The following DOCK6 variants were observed in gnomAD, a reference collection of about 807,000 sequenced individuals.
DOCK6 encodes dedicator of cytokinesis 6, also known as dedicator of cytokinesis protein 6.
Under a neutral mutation model 230.3 loss-of-function variants are expected in DOCK6, and 167 were observed. The ratio of observed to expected loss-of-function variants is 0.73; its 90% CI spans 0.64 to 0.82. The LOEUF (loss-of-function observed/expected upper bound fraction) is 0.82. DOCK6 is among the 40% of genes least tolerant of loss of function. DOCK6 has a pLI of 0.00. For missense variants in DOCK6, 2,598 were observed against 2,825.8 expected, an observed-to-expected ratio of 0.92 and a Z score of 1.83; for synonymous variants, 1,148 against 1,185.0, an observed-to-expected ratio of 0.97 and a Z score of 0.64.
intron 47 of DOCK6, among the ~76,000 whole-genome samples, chr19:11,199,775 T>C (rs528172452): frequency 6.6e-6 from 1 of 152,358 alleles, no homozygotes; most frequent in Admixed American, 6.5e-5. Flanking sequence ...GATGAATTCA[T>C]GTATCTGGGA....
At chr19:11,220,595 C>T (rs764753587) in intron 28 of DOCK6, among the ~76,000 whole-genome samples, 1 of 151,978 alleles carries the variant, frequency 6.6e-6, no homozygotes, top group African/African-American at 2.4e-5. Flanking sequence ...TAAAAAACTA[C>T]AAGGCAAGGG....
At chr19:11,240,115 A>AC in intron 14 of DOCK6, 1 of 1,551,450 alleles carries the variant, frequency 6.4e-7, no homozygotes, top group Non-Finnish European at 8.7e-7. Context: ...CCTACTAGTG[A>AC]CCCACTGTTT....
chr19:11,218,320 T>C (rs1179947625), intron 28 of DOCK6, among the ~76,000 whole-genome samples: 1 of 152,160 alleles, frequency 6.6e-6, no homozygotes, highest in Admixed American at 6.6e-5. Flanking sequence ...CTAATTTTTG[T>C]ATTTTTAGTA....
Position 11,227,412 on chromosome 19 carries a change from G to C in DOCK6, c.2880C>G (p.Phe960Leu). The stretch of plus-strand genomic sequence containing the variant: ...TGATGTCGTCCAGGAAGCGTCCGGG[G>C]AAGCGCAGCTTGCGGGGTGTGTCTA... ...QRLDTPRKLR[F>L]PGRFLDDITA... The change falls in exon 24 of 48, where the codon TTC becomes TTG. Residue 960 changes from phenylalanine (F) to leucine (L), a missense_variant. By Grantham distance (22) the Phe-to-Leu change is conservative. Transcript: ENST00000294618. 6.2e-7 allele frequency: 1 copy of C among 1,613,546 alleles called. No homozygotes were observed. The highest frequency in any genetic ancestry group is 8.5e-7 in the Non-Finnish European group (1 of 1,179,774).
In DOCK6 at chr19:11,201,135, G is replaced by T; in HGVS notation, c.5689-83C>A. On this transcript the variant is annotated intron_variant, in intron 44 of 47. Transcript: ENST00000294618. This position sits in a 1 kb window ranked among gnomAD's most constrained non-coding sequence, Gnocchi z 4.3. ...GCCAGTCGGGGGCAGCTCAGACCCCGCTGGGAGTGAGAGGGGTCCAAGAAC... is the reference window on the plus strand; with the variant it reads ...GCCAGTCGGGGGCAGCTCAGACCCCTCTGGGAGTGAGAGGGGTCCAAGAAC... 1 of 1,526,948 alleles carries T rather than the reference G, an allele frequency of 6.5e-7. No individual in the cohort carries two copies. Among genetic ancestry groups the T allele is most frequent in the Non-Finnish European group, 8.9e-7 (1 of 1,127,056 alleles). 94.6% of individuals were successfully genotyped at this position (1,526,948 alleles called of 1,614,324 possible).
rs376594140 is a variant in DOCK6 at position 11,200,744 on chromosome 19, G to A, written c.5911C>T (p.Arg1971Trp). The change falls in exon 46 of 48, where the codon CGG becomes TGG. Residue 1971 changes from arginine to tryptophan, a missense_variant. Transcript: ENST00000294618. This position sits in a 1 kb window ranked among gnomAD's most constrained non-coding sequence, Gnocchi z 4.3. Reference sequence around the variant, plus strand: ...TTGCAGAAGTCCTTGAAGCAGAGCCGCAATTTGTTGTGATGCCGGAAGAGC... The same window carrying A: ...TTGCAGAAGTCCTTGAAGCAGAGCCACAATTTGTTGTGATGCCGGAAGAGC... Reference protein sequence around the residue: ...PKLFRHHNKLRLCFKDFCKKC... With the variant: ...PKLFRHHNKLWLCFKDFCKKC... 2.2e-5 allele frequency: 35 copies of A among 1,613,320 alleles called. No homozygotes were observed. The highest frequency in any genetic ancestry group is 2.2e-4 in the Admixed American group (13 of 59,962).
chr19:11,252,045 C>A, intron 5 of DOCK6, 74 bp downstream of exon 5: 1 of 1,552,030 alleles, frequency 6.4e-7, no homozygotes, highest in South Asian at 1.2e-5. Context: ...CATTTCCTGT[C>A]ACATGTGACC....
At position 11,202,580 on chromosome 19, in the gene DOCK6, G is replaced by C; in HGVS notation, c.5361+4C>G. On this transcript the variant is annotated splice_donor_region_variant and intron_variant, in intron 42 of 47. Coordinates refer to ENST00000294618, the MANE Select transcript of DOCK6 (RefSeq NM_020812.4). The surrounding 1 kb of genome is among the most constrained non-coding windows in gnomAD (Gnocchi z 5.3). ...CCGTTCCACCCCCAACCACAAGGAC[G>C]TGCCTCCAGCCGGTGTGAGATCTCT... The C allele has an allele frequency of 1.2e-6, 2 of 1,613,748 alleles. No individual in the cohort carries two copies. The highest frequency in any genetic ancestry group is 1.7e-6 in the Non-Finnish European group (2 of 1,179,852).
chr19:11,216,123 A>G (rs2079483173), intron 30 of DOCK6, 196 bp from the exon 31 acceptor site: 1 of 494,666 alleles, frequency 2.0e-6, no homozygotes. Flanking sequence ...AGTCTCTCTC[A>G]TTCTGTCGCC....
chr19:11,245,673 T>C lies in DOCK6; in HGVS notation c.913A>G (p.Met305Val), dbSNP rs1406734206. Residue 305 changes from methionine to valine, a missense_variant, in exon 9 of 48, where the codon ATG becomes GTG. Physicochemically the swap from Met to Val is conservative, Grantham distance 21. Transcript: ENST00000294618. ...NFYFDLNSDS[M>V]KGLLRAHGTH... ...CCATGAGCCCGAAGCAGCCCCTTCA[T>C]GGAGTCCGAGTTCAGGTCGAAGTAG... The C allele has an allele frequency of 6.2e-7, 1 of 1,609,376 alleles. No individual in the cohort carries two copies. Among genetic ancestry groups the C allele is most frequent in the South Asian group, 1.1e-5 (1 of 90,208 alleles).
chr19:11,216,749 T>C, intron 30 of DOCK6, 165 bp downstream of exon 30: 1 of 719,934 alleles, frequency 1.4e-6, no homozygotes. Context: ...CTTCTGACTT[T>C]ATTCCTTGCC....
Position 11,202,689 on chromosome 19 carries a change from G to C in DOCK6, c.5256C>G (p.Phe1752Leu). Reference sequence around the variant, plus strand: ...AGTGGGCGCCGTAGAAGCCCACGCGGAAATACGTCCCGAACACGCGCTGGG... The same window carrying C: ...AGTGGGCGCCGTAGAAGCCCACGCGCAAATACGTCCCGAACACGCGCTGGG... ...SGWERVFGTYFRVGFYGAHFG... is the reference protein window; with the variant it reads ...SGWERVFGTYLRVGFYGAHFG... The change falls in exon 42 of 48, where the codon TTC becomes TTG. Residue 1752 changes from phenylalanine to leucine, a missense_variant. Physicochemically the swap from Phe to Leu is conservative, Grantham distance 22. Coordinates refer to ENST00000294618, the MANE Select transcript of DOCK6 (RefSeq NM_020812.4). The surrounding 1 kb of genome is among the most constrained non-coding windows in gnomAD (Gnocchi z 5.3). The C allele has an allele frequency of 6.2e-7, 1 of 1,614,012 alleles. No individual in the cohort carries two copies. The highest frequency in any genetic ancestry group is 8.5e-7 in the Non-Finnish European group (1 of 1,179,914).
At chr19:11,204,522 A>G (rs907278504) in intron 39 of DOCK6, among the ~76,000 whole-genome samples, 191 bp from the exon 40 acceptor site, 1 of 151,858 alleles carries the variant, frequency 6.6e-6, no homozygotes, top group Non-Finnish European at 1.5e-5. Flanking sequence ...AGAGGGCTCC[A>G]TGGTCTTCAC....
At chr19:11,252,348 T>A (rs1390247059) in intron 4 of DOCK6, 100 bp from the exon 5 acceptor site, 1 of 1,575,968 alleles carries the variant, frequency 6.3e-7, no homozygotes, top group Non-Finnish European at 8.7e-7. Flanking sequence ...AAAGCCACCG[T>A]CCTTGTGCTC....
At chr19:11,261,806 A>G (rs1451636728) in intron 1 of DOCK6, among the ~76,000 whole-genome samples, 2 of 151,652 alleles carry the variant, frequency 1.3e-5, no homozygotes, top group African/African-American at 2.4e-5. Flanking sequence ...GAGAGCCTGA[A>G]GCAGAAGGTG....
At chr19:11,199,561 G>C in intron 47 of DOCK6, 22 bp from the exon 48 acceptor site, 1 of 1,568,292 alleles carries the variant, frequency 6.4e-7, no homozygotes, top group East Asian at 2.4e-5. Context: ...ATGAGGGTGG[G>C]TCAGCATGGC....
intron 28 of DOCK6, among the ~76,000 whole-genome samples, chr19:11,219,123 C>T (rs867114738): frequency 9.4e-5 from 14 of 149,286 alleles, no homozygotes; most frequent in Non-Finnish European, 1.5e-4. Context: ...ATGATCTGCC[C>T]GCCTCGGCCT....
At position 11,222,964 on chromosome 19, in the gene DOCK6, A is replaced by G. The variant is rs766083976; in HGVS notation, c.3069+29T>C. 18 of 1,613,626 alleles carry G rather than the reference A, an allele frequency of 1.1e-5. No individual in the cohort carries two copies. The highest frequency in any genetic ancestry group is 1.4e-5 in the Non-Finnish European group (17 of 1,179,760). ...CATTGCTCCGCCTTCCATCCATGCC[A>G]TGCCCACCCTGCCCACGCCCACTCC... On this transcript the variant is annotated intron_variant, in intron 25 of 47. Coordinates refer to ENST00000294618, the MANE Select transcript of DOCK6 (RefSeq NM_020812.4). The surrounding 1 kb of genome is among the most constrained non-coding windows in gnomAD (Gnocchi z 4.0).
chr19:11,260,273 A>C (rs1426561786), intron 1 of DOCK6, among the ~76,000 whole-genome samples: 1 of 151,992 alleles, frequency 6.6e-6, no homozygotes. Context: ...GGACATACAG[A>C]CCAAAATGCA....
Sources: allele counts gnomAD v4.1 joint callset (sites outside exome capture counted in the v4.1 genomes callset), GRCh38; gene constraint gnomAD v4.1.1; non-coding constraint Gnocchi (gnomAD v3.1); transcripts MANE v1.5; gene names NCBI Gene and HGNC (gene_info 2026-07-23, HGNC 2026-07-21).